Variants in EBF3 observed in about 807,000 individuals in gnomAD.
EBF3 encodes EBF transcription factor 3.
A neutral mutation model predicts 77.1 loss-of-function variants in EBF3; 18 were observed. The observed-to-expected ratio is 0.23, with a 90% CI of 0.16 to 0.35. EBF3 has a LOEUF of 0.35. Ranked by LOEUF, EBF3 falls within the 10% of genes least tolerant of loss-of-function variation. The pLI is 1.00. For synonymous variants in EBF3, 350 were observed against 343.5 expected (o/e 1.02, Z -0.21); for missense variants, 558 against 860.0 (o/e 0.65, Z 4.39).
intron 6 of EBF3, among the ~76,000 whole-genome samples, chr10:129,884,217 T>C (rs190038774): frequency 2.5e-4 from 38 of 152,328 alleles, no homozygotes; most frequent in Non-Finnish European, 4.9e-4. Flanking sequence ...TATTGATTAC[T>C]GAGCAATTCT....
In EBF3 at chr10:129,963,117, T is replaced by C; in HGVS notation, c.292-112A>G. On this transcript the variant is annotated intron_variant, in intron 2 of 16. Transcript: ENST00000440978. This position sits in a 1 kb window ranked among gnomAD's most constrained non-coding sequence, Gnocchi z 7.1. ...TCGGCCTCACACATGGCAGGATTCC[T>C]AGCTCGAAGCAGCGCGGTGATGTCA... The C allele has an allele frequency of 7.2e-7, 1 of 1,397,006 alleles. No individual in the cohort carries two copies. The highest frequency in any genetic ancestry group is 1.4e-5 in the African/African-American group (1 of 70,536). 86.5% of individuals were successfully genotyped at this position (1,397,006 alleles called of 1,614,324 possible). A position where few individuals can be genotyped will look rare whatever the true frequency, so the allele number is the denominator to read the frequency against.
In EBF3 at chr10:129,958,959, G is replaced by T; in HGVS notation, c.460C>A (p.Leu154Met). Residue 154 changes from leucine to methionine, a missense_variant, in exon 5 of 17, where the codon CTG becomes ATG. Physicochemically the swap from Leu to Met is conservative, Grantham distance 15. Coordinates refer to ENST00000440978, the MANE Select transcript of EBF3 (RefSeq NM_001375380.1). ...QDKNPEMCRVLLTHEIMCSRC... is the reference protein window; with the variant it reads ...QDKNPEMCRVMLTHEIMCSRC... ...CTGCACATGATCTCGTGGGTCAGCAGCACACGGCACATCTCCGGGTTCTTG... is the reference window on the plus strand; with the variant it reads ...CTGCACATGATCTCGTGGGTCAGCATCACACGGCACATCTCCGGGTTCTTG... 1 of 1,600,892 alleles carries T rather than the reference G, an allele frequency of 6.2e-7. No homozygotes were observed. The highest frequency in any genetic ancestry group is 1.1e-5 in the South Asian group (1 of 89,696).
At chr10:129,918,456 A>T (rs1194316431) in intron 6 of EBF3, among the ~76,000 whole-genome samples, 2 of 152,252 alleles carry the variant, frequency 1.3e-5, no homozygotes, top group Non-Finnish European at 2.9e-5. Context: ...CAGAAATCAA[A>T]GTGGACCACC....
At chr10:129,865,964 T>A (rs1851985490) in intron 10 of EBF3, among the ~76,000 whole-genome samples, 1 of 152,172 alleles carries the variant, frequency 6.6e-6, no homozygotes, top group Admixed American at 6.5e-5. Flanking sequence ...ACCCAGCCAC[T>A]GCACATGCAG....
chr10:129,877,737 C>A (rs771426711), intron 7 of EBF3, 31 bp downstream of exon 7: 1 of 1,589,052 alleles, frequency 6.3e-7, no homozygotes. Context: ...AAGTCAGGAC[C>A]ACGGTCCACG....
intron 6 of EBF3, among the ~76,000 whole-genome samples, chr10:129,899,328 G>A (rs1027353718): frequency 6.6e-6 from 1 of 151,920 alleles, no homozygotes; most frequent in Admixed American, 6.5e-5. Context: ...ATTTCTTGAT[G>A]CCAGCAGAGT....
Position 129,897,845 on chromosome 10 carries a change from A to AT in EBF3, c.555-19997dup, listed in dbSNP as rs1197590605. Among the ~76,000 whole-genome samples, 1 of 152,216 alleles carries AT rather than the reference A, an allele frequency of 6.6e-6. No homozygotes were observed. The highest frequency in any genetic ancestry group is 1.5e-5 in the Non-Finnish European group (1 of 68,042). ...GCGAGTACATGGCGGCCAGAGGCAG[A>AT]TATCATTGAACTTTGTTGGGGTTTT... On this transcript the variant is annotated intron_variant, in intron 6 of 16. Coordinates refer to ENST00000440978, the MANE Select transcript of EBF3 (RefSeq NM_001375380.1). The surrounding 1 kb of genome is among the most constrained non-coding windows in gnomAD (Gnocchi z 4.6).
intron 6 of EBF3, among the ~76,000 whole-genome samples, chr10:129,914,987 G>A (rs1855778514): frequency 6.6e-6 from 1 of 152,240 alleles, no homozygotes; most frequent in Non-Finnish European, 1.5e-5. Flanking sequence ...TTGCATGGCT[G>A]TGGGACAGAG....
intron 10 of EBF3, among the ~76,000 whole-genome samples, chr10:129,857,071 GC>G (rs1851304967): frequency 6.6e-6 from 1 of 152,184 alleles, no homozygotes; most frequent in African/African-American, 2.4e-5. Flanking sequence ...CATTCAGGGA[GC>G]ATAACTCTGT....
At chr10:129,838,187 T>C (rs1281989656) in intron 16 of EBF3, among the ~76,000 whole-genome samples, 2 of 152,208 alleles carry the variant, frequency 1.3e-5, no homozygotes, top group African/African-American at 4.8e-5. Flanking sequence ...CCTGCAGCCC[T>C]CCTCAAAGGC....
At chr10:129,904,396 A>AGATG (rs1219794180) in intron 6 of EBF3, among the ~76,000 whole-genome samples, 1 of 152,200 alleles carries the variant, frequency 6.6e-6, no homozygotes, top group Non-Finnish European at 1.5e-5. Flanking sequence ...ATGAATATGG[A>AGATG]GATGGATGGA....
At chr10:129,878,661 CAAAAAAAAAA>C (rs538628576) in intron 6 of EBF3, among the ~76,000 whole-genome samples, 1 of 34,850 alleles carries the variant, frequency 2.9e-5, no homozygotes, top group African/African-American at 1.3e-4. Flanking sequence ...GGCTCTGTCT[CAAAAAAAAAA>C]AAAAAAAAAA....
intron 6 of EBF3, among the ~76,000 whole-genome samples, chr10:129,945,202 G>T (rs1465363133): frequency 3.7e-5 from 5 of 135,272 alleles, no homozygotes; most frequent in Non-Finnish European, 7.9e-5. Context: ...GGCCTGGGGG[G>T]ATCTGGAGGC....
chr10:129,853,360 C>A (rs1851029102), intron 10 of EBF3, among the ~76,000 whole-genome samples: 1 of 152,208 alleles, frequency 6.6e-6, no homozygotes, highest in African/African-American at 2.4e-5. Context: ...GGAAGACATT[C>A]ATTTGCTTCA....
chr10:129,963,065 C>G lies in EBF3; in HGVS notation c.292-60G>C, dbSNP rs919508910. On this transcript the variant is annotated intron_variant, in intron 2 of 16. Coordinates refer to ENST00000440978, the MANE Select transcript of EBF3 (RefSeq NM_001375380.1). The surrounding 1 kb of genome is among the most constrained non-coding windows in gnomAD (Gnocchi z 7.1). Reference sequence around the variant, plus strand: ...ATCGGTGTCAGGCGCGGCCACCACGCTCGGTCCCCCTCCGCGACCGAGGCT... The same window carrying G: ...ATCGGTGTCAGGCGCGGCCACCACGGTCGGTCCCCCTCCGCGACCGAGGCT... 179 of 1,599,576 alleles carry G rather than the reference C, an allele frequency of 1.1e-4. 1 individual carries two copies. The highest frequency in any genetic ancestry group is 1.5e-4 in the Non-Finnish European group (174 of 1,167,026).
At chr10:129,887,372 T>A (rs190538214) in intron 6 of EBF3, among the ~76,000 whole-genome samples, 1 of 152,230 alleles carries the variant, frequency 6.6e-6, no homozygotes, top group South Asian at 2.1e-4. Context: ...TTACCGAGCA[T>A]AAAAAAGTAA....
chr10:129,839,290 A>C (rs942676519), intron 15 of EBF3, 95 bp from the exon 16 acceptor site: 2 of 547,936 alleles, frequency 3.7e-6, no homozygotes, highest in Non-Finnish European at 6.3e-6. Flanking sequence ...AGCATATACC[A>C]AAGGTGGTGT....
intron 10 of EBF3, among the ~76,000 whole-genome samples, chr10:129,856,234 A>G (rs1335402206): frequency 2.6e-5 from 4 of 152,200 alleles, no homozygotes; most frequent in African/African-American, 4.8e-5. Context: ...CACATTTTCA[A>G]TTTTGAAAAG....
At chr10:129,890,540 T>C (rs1309769284) in intron 6 of EBF3, among the ~76,000 whole-genome samples, 1 of 152,246 alleles carries the variant, frequency 6.6e-6, no homozygotes, top group East Asian at 1.9e-4. Flanking sequence ...CCAATTAGTT[T>C]AACTCGATCA....
Sources: gnomAD v4.1 joint callset for allele counts (sites outside exome capture counted in the v4.1 genomes callset) on GRCh38, gnomAD v4.1.1 for gene constraint, Gnocchi (gnomAD v3.1) non-coding constraint, MANE v1.5 for transcripts, NCBI Gene and HGNC (gene_info 2026-07-23, HGNC 2026-07-21) for gene names.